The following CADM1 variants were observed in gnomAD, a reference collection of about 807,000 sequenced individuals.
CADM1 encodes TSLC-1.
CADM1 carries 15 observed loss-of-function variants against 53.1 expected under a neutral mutation model. The observed-to-expected ratio is 0.28, with a 90% CI of 0.19 to 0.44. The LOEUF (loss-of-function observed/expected upper bound fraction) is 0.44. Ranked by LOEUF, CADM1 falls within the 20% of genes least tolerant of loss-of-function variation. The pLI is 1.00. For synonymous variants in CADM1, 281 were observed against 243.0 expected (o/e 1.16, Z -1.45); for missense variants, 434 against 611.3 (o/e 0.71, Z 3.06).
At chr11:115,492,932 T>TATAC (rs1555094700) in intron 1 of CADM1, among the ~76,000 whole-genome samples, 1 of 146,754 alleles carries the variant, frequency 6.8e-6, no homozygotes, top group African/African-American at 2.5e-5. Flanking sequence ...GGATATTTTA[T>TATAC]ACACACACAC....
chr11:115,481,325 T>G (rs796969563), intron 1 of CADM1, among the ~76,000 whole-genome samples: 10 of 152,328 alleles, frequency 6.6e-5, no homozygotes, highest in African/African-American at 2.4e-4. Context: ...GAATTCCCTG[T>G]AGCATTTGAC....
At chr11:115,178,622 T>G in intron 11 of CADM1, 22 bp downstream of exon 11, 1 of 1,611,448 alleles carries the variant, frequency 6.2e-7, no homozygotes, top group Non-Finnish European at 8.5e-7. Flanking sequence ...ACGCTGCTTC[T>G]GTCTGCTGAA....
intron 1 of CADM1, among the ~76,000 whole-genome samples, chr11:115,432,428 G>A (rs1407483609): frequency 1.3e-5 from 2 of 152,140 alleles, no homozygotes; most frequent in Admixed American, 1.3e-4. Flanking sequence ...AATTATCCAT[G>A]TGGGATCAGC....
Position 115,169,843 on chromosome 11 carries a change from C to A in CADM1, c.*6631G>T. 7.5e-6 allele frequency: 2 copies of A among 268,156 alleles called. No homozygotes were observed. Among genetic ancestry groups the A allele is most frequent in the Non-Finnish European group, 1.5e-5 (2 of 133,560 alleles). 16.6% of individuals were successfully genotyped at this position (268,156 alleles called of 1,614,324 possible). On this transcript the variant is annotated 3_prime_UTR_variant, in exon 12 of 12. Transcript: ENST00000331581. ...ATGAAATACACAACTACAGAGAAAA[C>A]AAACCAAAAAGAGTAATAAAGTCAC... is the stretch of plus-strand genomic sequence containing the variant.
chr11:115,277,255 A>G (rs916031215), intron 1 of CADM1, among the ~76,000 whole-genome samples: 1 of 152,176 alleles, frequency 6.6e-6, no homozygotes, highest in South Asian at 2.1e-4. Context: ...CCAAGCTCTA[A>G]TGTTGTTACG....
chr11:115,242,367 T>C (rs1267844243), intron 1 of CADM1, among the ~76,000 whole-genome samples: 1 of 150,702 alleles, frequency 6.6e-6, no homozygotes, highest in Non-Finnish European at 1.5e-5. Context: ...GAACAGATGC[T>C]TATTTTTTCC....
chr11:115,454,683 A>C (rs1389013433), intron 1 of CADM1, among the ~76,000 whole-genome samples: 1 of 152,194 alleles, frequency 6.6e-6, no homozygotes, highest in Non-Finnish European at 1.5e-5. Flanking sequence ...GTCTCTGACT[A>C]AAGGCCAGGA....
At chr11:115,401,864 G>A (rs1293866760) in intron 1 of CADM1, among the ~76,000 whole-genome samples, 2 of 152,156 alleles carry the variant, frequency 1.3e-5, no homozygotes, top group Non-Finnish European at 2.9e-5. Flanking sequence ...GGTAGAGGAT[G>A]TTGACAACAG....
chr11:115,325,890 G>C (rs535371353), intron 1 of CADM1, among the ~76,000 whole-genome samples: 28 of 152,264 alleles, frequency 1.8e-4, no homozygotes, highest in Non-Finnish European at 3.4e-4. Flanking sequence ...AACAAGATTT[G>C]CTCTTGGCTG....
At chr11:115,291,923 G>A (rs1001939651) in intron 1 of CADM1, among the ~76,000 whole-genome samples, 11 of 152,202 alleles carry the variant, frequency 7.2e-5, no homozygotes, top group Admixed American at 5.9e-4. Context: ...AATTCTGAGA[G>A]ATTGCAGAGC....
chr11:115,279,943 G>T (rs549003418), intron 1 of CADM1, among the ~76,000 whole-genome samples: 1 of 152,182 alleles, frequency 6.6e-6, no homozygotes. Flanking sequence ...GGATGAGTGC[G>T]TGACTCGCAT....
At chr11:115,237,294 C>T (rs1020742968) in intron 3 of CADM1, among the ~76,000 whole-genome samples, 7 of 152,160 alleles carry the variant, frequency 4.6e-5, no homozygotes, top group East Asian at 3.8e-4. Context: ...AATATGAATA[C>T]GTGAAAGCCA....
At chr11:115,278,704 T>C (rs1378563610) in intron 1 of CADM1, among the ~76,000 whole-genome samples, 1 of 152,080 alleles carries the variant, frequency 6.6e-6, no homozygotes. Flanking sequence ...GGGTGGGAAA[T>C]GCGGACCATG....
intron 1 of CADM1, among the ~76,000 whole-genome samples, chr11:115,312,502 C>G (rs184377537): frequency 7.2e-5 from 11 of 152,226 alleles, no homozygotes; most frequent in African/African-American, 2.6e-4. Flanking sequence ...TATAGTAAAT[C>G]ATACTCAGGA....
intron 1 of CADM1, among the ~76,000 whole-genome samples, chr11:115,465,835 T>A (rs1948889045): frequency 1.3e-5 from 2 of 152,144 alleles, no homozygotes; most frequent in African/African-American, 4.8e-5. Flanking sequence ...AACCTGGGAA[T>A]TTGGAATGCC....
chr11:115,484,945 T>TC (rs925101594), intron 1 of CADM1, among the ~76,000 whole-genome samples: 4 of 141,766 alleles, frequency 2.8e-5, no homozygotes, highest in African/African-American at 1.0e-4. Flanking sequence ...AGACTCTGTC[T>TC]CAAAAAAAAA....
chr11:115,353,360 C>T (rs573045612), intron 1 of CADM1, among the ~76,000 whole-genome samples: 3 of 152,158 alleles, frequency 2.0e-5, no homozygotes, highest in Non-Finnish European at 4.4e-5. Context: ...CCACATGCAG[C>T]GATTGAGAAT....
At chr11:115,210,403 G>GT (rs1940903813) in intron 7 of CADM1, among the ~76,000 whole-genome samples, 1 of 152,078 alleles carries the variant, frequency 6.6e-6, no homozygotes. Context: ...ATATAAATGA[G>GT]ACTCGACCTT....
intron 1 of CADM1, among the ~76,000 whole-genome samples, chr11:115,490,686 C>T (rs1290169562): frequency 6.6e-6 from 1 of 152,144 alleles, no homozygotes; most frequent in Non-Finnish European, 1.5e-5. Context: ...GCGAGAGCCA[C>T]CATGCCCGGC....
Sources: allele counts gnomAD v4.1 joint callset (sites outside exome capture counted in the v4.1 genomes callset), GRCh38; gene constraint gnomAD v4.1.1; transcripts MANE v1.5; gene names NCBI Gene and HGNC (gene_info 2026-07-23, HGNC 2026-07-21).